The following OGA variants were observed in gnomAD, a reference collection of about 807,000 sequenced individuals.
OGA encodes O-GlcNAcase.
OGA carries 21 observed loss-of-function variants against 102.0 expected under a neutral mutation model. The ratio of observed to expected loss-of-function variants is 0.21; its 90% CI spans 0.15 to 0.30. The LOEUF is 0.30. Ranked by LOEUF, OGA falls within the 10% of genes least tolerant of loss-of-function variation. The pLI, the probability that OGA is intolerant of heterozygous loss-of-function variation, is 1.00. For missense variants in OGA, 765 were observed against 1,107.8 expected (o/e 0.69, Z 4.39); for synonymous variants, 408 against 378.2 (o/e 1.08, Z -0.91).
chr10:101,799,201 G>C lies in OGA; in HGVS notation c.1450C>G (p.Leu484Val). The change falls in exon 9 of 16, where the codon CTG (leucine) becomes GTG (valine). Residue 484 changes from leucine (L) to valine (V), a missense_variant. This residue lies in a region of OGA where 281 missense variants were observed against 345.8 expected (regional missense o/e 0.81). Coordinates refer to ENST00000361464, the MANE Select transcript of OGA (RefSeq NM_012215.5). ...ETDHKNDNQI[L>V]SEIVEAKMAE... ...ATTTTCGCTTCAACAATTTCACTCAGTATTTGATTGTCATTCTTGTGGTCC... is the reference window on the plus strand; with the variant it reads ...ATTTTCGCTTCAACAATTTCACTCACTATTTGATTGTCATTCTTGTGGTCC... 6.2e-7 allele frequency: 1 copy of C among 1,614,156 alleles called. No individual in the cohort carries two copies. Among genetic ancestry groups the C allele is most frequent in the Non-Finnish European group, 8.5e-7 (1 of 1,180,018 alleles).
chr10:101,797,586 A>G, intron 10 of OGA: 1 of 302,810 alleles, frequency 3.3e-6, no homozygotes, highest in Non-Finnish European at 6.1e-6. Flanking sequence ...TTGTTCTGTT[A>G]AACATAGCAT....
intron 7 of OGA, among the ~76,000 whole-genome samples, chr10:101,801,175 G>T (rs939222755): frequency 6.6e-6 from 1 of 151,970 alleles, no homozygotes; most frequent in Non-Finnish European, 1.5e-5. Flanking sequence ...CAAATCACCT[G>T]AGGTCTGCAG....
intron 6 of OGA, among the ~76,000 whole-genome samples, 159 bp downstream of exon 6, chr10:101,805,886 C>T (rs1471431719): frequency 1.3e-5 from 2 of 151,928 alleles, no homozygotes; most frequent in East Asian, 1.9e-4. Flanking sequence ...ACCTGGGAGG[C>T]GGAGCGTGCA....
At chr10:101,803,620 A>G (rs1453564328) in intron 7 of OGA, 115 bp downstream of exon 7, 1 of 1,147,456 alleles carries the variant, frequency 8.7e-7, no homozygotes, top group East Asian at 2.6e-5. Flanking sequence ...ATACGTTTTT[A>G]AAAAAATAAA....
chr10:101,798,929 T>C lies in OGA; in HGVS notation c.1722A>G (p.Lys574=). Residue 574 remains lysine (K), a synonymous_variant, in exon 9 of 16, where the codon AAA becomes AAG. Coordinates refer to ENST00000361464, the MANE Select transcript of OGA (RefSeq NM_012215.5). ...GAAATTCCCGTAACATCTGTGCTCCTTTGGGTCCATGCTCGTAAGGAAGGT... is the reference window on the plus strand; with the variant it reads ...GAAATTCCCGTAACATCTGTGCTCCCTTGGGTCCATGCTCGTAAGGAAGGT... ...LFYLPYEHGP[K]GAQMLREFQW... The C allele has an allele frequency of 6.2e-7, 1 of 1,614,190 alleles. No individual in the cohort carries two copies. The highest frequency in any genetic ancestry group is 8.5e-7 in the Non-Finnish European group (1 of 1,180,036).
chr10:101,814,228 C>T (rs1432897645), intron 1 of OGA, among the ~76,000 whole-genome samples: 1 of 152,038 alleles, frequency 6.6e-6, no homozygotes, highest in East Asian at 1.9e-4. Flanking sequence ...ATTTGGGAGG[C>T]TGAGAAACAA....
At chr10:101,807,611 G>A in intron 5 of OGA, 119 bp downstream of exon 5, 1 of 709,786 alleles carries the variant, frequency 1.4e-6, no homozygotes. Context: ...TCTAAAAAAA[G>A]ATTCCTACTT....
chr10:101,793,797 G>T, intron 11 of OGA, 116 bp downstream of exon 11: 1 of 720,624 alleles, frequency 1.4e-6, no homozygotes, highest in Admixed American at 2.4e-5. Flanking sequence ...TAACTAAATT[G>T]AATTTGGGAC....
At chr10:101,804,319 C>CT (rs1228905274) in intron 6 of OGA, among the ~76,000 whole-genome samples, 5 of 145,968 alleles carry the variant, frequency 3.4e-5, no homozygotes, top group Non-Finnish European at 7.4e-5. Flanking sequence ...GTCGCCCAGG[C>CT]TGGAGTACAG....
chr10:101,791,042 G>A lies in OGA; in HGVS notation c.2308C>T (p.Leu770=), dbSNP rs760663008. The A allele has an allele frequency of 1.9e-6, 3 of 1,613,438 alleles. No homozygotes were observed. The highest frequency in any genetic ancestry group is 1.7e-5 in the Admixed American group (1 of 59,790). The change falls in exon 14 of 16, where the codon CTA becomes TTA. Residue 770 remains leucine, a synonymous_variant. Transcript: ENST00000361464. Reference sequence around the variant, plus strand: ...CCACATATGCCATCTTCATCTTCTAGGACAAAGCAGTAATCCAGGCTGAGG... The same window carrying A: ...CCACATATGCCATCTTCATCTTCTAAGACAAAGCAGTAATCCAGGCTGAGG... ...LSLSLDYCFV[L]EDEDGICGYA... is the part of the protein sequence containing the mutation.
intron 8 of OGA, among the ~76,000 whole-genome samples, chr10:101,799,666 A>G (rs2065363813): frequency 6.6e-6 from 1 of 152,216 alleles, no homozygotes; most frequent in Admixed American, 6.5e-5. Context: ...TAAACATGCC[A>G]ACATCTACTA....
At chr10:101,794,099 C>CT in intron 10 of OGA, 101 bp from the exon 11 acceptor site, 1 of 765,552 alleles carries the variant, frequency 1.3e-6, no homozygotes, top group Non-Finnish European at 2.2e-6. Context: ...AAATAACTCT[C>CT]TAACAATAAT....
chr10:101,797,640 C>T (rs751959511), intron 10 of OGA: 13 of 441,664 alleles, frequency 2.9e-5, no homozygotes, highest in Non-Finnish European at 4.4e-5. Flanking sequence ...CTTGTGGAGT[C>T]ACATTTCATA....
chr10:101,816,807 A>G (rs1489782231), intron 1 of OGA, among the ~76,000 whole-genome samples: 1 of 151,894 alleles, frequency 6.6e-6, no homozygotes, highest in Admixed American at 6.5e-5. Flanking sequence ...TCTAATTTAT[A>G]TGGTGAAAAA....
intron 6 of OGA, 84 bp downstream of exon 6, chr10:101,805,961 A>G: frequency 1.0e-6 from 1 of 955,870 alleles, no homozygotes; most frequent in Non-Finnish European, 1.7e-6. Context: ...TCTCAAAAAA[A>G]AAAGTATTCA....
intron 15 of OGA, among the ~76,000 whole-genome samples, chr10:101,787,022 C>T (rs2065198325): frequency 1.3e-5 from 2 of 151,892 alleles, no homozygotes; most frequent in African/African-American, 4.8e-5. Flanking sequence ...GCTGCGTGAG[C>T]CACCGTGCCC....
chr10:101,804,617 G>A (rs561250693), intron 6 of OGA, among the ~76,000 whole-genome samples: 1 of 151,832 alleles, frequency 6.6e-6, no homozygotes, highest in African/African-American at 2.4e-5. Context: ...TCTGAGACAG[G>A]GTCTCCTCTG....
chr10:101,798,095 T>C lies in OGA; in HGVS notation c.1869A>G (p.Gly623=), dbSNP rs1182907063. ...CACAATTGGAGAGCCGAGTGAACAT[T>C]CCCATCACTAGTCCACACATCTCTT... ...KFEEMCGLVM[G]MFTRLSNCAN... The change falls in exon 10 of 16, where the codon GGA becomes GGG. Residue 623 remains glycine (G), a synonymous_variant. Transcript: ENST00000361464. 2 of 1,614,040 alleles carry C rather than the reference T, an allele frequency of 1.2e-6. No homozygotes were observed. Among genetic ancestry groups the C allele is most frequent in the Non-Finnish European group, 1.7e-6 (2 of 1,179,970 alleles).
intron 8 of OGA, among the ~76,000 whole-genome samples, chr10:101,799,997 C>G (rs970325766): frequency 6.6e-6 from 1 of 152,150 alleles, no homozygotes; most frequent in African/African-American, 2.4e-5. Flanking sequence ...CTCAGCCTCC[C>G]AAGTAGGTGG....
Sources: gnomAD v4.1 joint callset for allele counts (sites outside exome capture counted in the v4.1 genomes callset) on GRCh38, gnomAD v4.1.1 for gene constraint, gnomAD v4.1.1 regional missense constraint, MANE v1.5 for transcripts, NCBI Gene and HGNC (gene_info 2026-07-23, HGNC 2026-07-21) for gene names.